RILPL1: variants seen among roughly 807,000 people sequenced by gnomAD.
The protein encoded by RILPL1 is RILP-like protein 1.
In RILPL1, 33 loss-of-function variants were observed where a neutral mutation model predicts 50.3. That is an observed-to-expected ratio of 0.66 (90% CI 0.50 to 0.88). The LOEUF is 0.88. Among genes scored for constraint, RILPL1 ranks in the 40% least tolerant of loss-of-function variants. The pLI is 0.00. For synonymous variants in RILPL1, 205 were observed against 228.6 expected (o/e 0.90, Z 0.93); for missense variants, 418 against 542.5 (o/e 0.77, Z 2.28).
At chr12:123,521,078 T>C (rs1884983977) in intron 2 of RILPL1, among the ~76,000 whole-genome samples, 1 of 152,172 alleles carries the variant, frequency 6.6e-6, no homozygotes, top group South Asian at 2.1e-4. Flanking sequence ...AGTCTAAACT[T>C]TTCTCATCTG....
At chr12:123,501,794 A>C (rs1389340851) in intron 2 of RILPL1, among the ~76,000 whole-genome samples, 3 of 151,058 alleles carry the variant, frequency 2.0e-5, no homozygotes, top group Non-Finnish European at 3.0e-5. Context: ...GAAAAAAAAC[A>C]ACCCCAAAAA....
intron 2 of RILPL1, among the ~76,000 whole-genome samples, chr12:123,513,098 GTC>G (rs1267237403): frequency 6.9e-6 from 1 of 145,438 alleles, no homozygotes; most frequent in Non-Finnish European, 1.5e-5. Flanking sequence ...GTGCGTGTAT[GTC>G]TGTGTGGTGG....
rs370928333 is a variant in RILPL1, at chr12:123,487,858, G to T, written c.802-2053C>A. 5.6e-4 allele frequency among the ~76,000 whole-genome samples: 85 copies of T among 152,284 alleles called. 1 individual carries two copies. The South Asian group carries it at 0.011, about 19-fold the overall frequency. On this transcript the variant is annotated intron_variant, in intron 4 of 6. Coordinates refer to ENST00000376874, the MANE Select transcript of RILPL1 (RefSeq NM_178314.5). ...AGGAGTTGTCAAACCGTTTCCCACG[G>T]CAGCTGCTCTATTTTACATTCCCAC...
chr12:123,485,157 G>A lies in RILPL1; in HGVS notation c.974+476C>T, dbSNP rs1882244398. Reference sequence around the variant, plus strand: ...TGCCAAGCTCCATTCTAAGTGCTGGGAACTTAGCCATGGACAAGATAAATA... The same window carrying A: ...TGCCAAGCTCCATTCTAAGTGCTGGAAACTTAGCCATGGACAAGATAAATA... On this transcript the variant is annotated intron_variant, in intron 5 of 6. Transcript: ENST00000376874. This position sits in a 1 kb window ranked among gnomAD's most constrained non-coding sequence, Gnocchi z 4.0. 1 of 456,270 alleles carries A rather than the reference G, an allele frequency of 2.2e-6. No homozygotes were observed. Among genetic ancestry groups the A allele is most frequent in the African/African-American group, 2.0e-5 (1 of 50,068 alleles). The allele number at this position is 456,270 out of a possible 1,614,324, so 28.3% of individuals were successfully genotyped here. A position where few individuals can be genotyped will look rare whatever the true frequency, so the allele number is the denominator to read the frequency against.
chr12:123,493,728 C>CCCTGGGA (rs1882842392), intron 4 of RILPL1, among the ~76,000 whole-genome samples: 2 of 152,142 alleles, frequency 1.3e-5, no homozygotes, highest in Admixed American at 6.6e-5. Context: ...CCATAGTCCA[C>CCCTGGGA]CCTGGGACAC....
At chr12:123,479,595 A>G (rs1290046687) in intron 6 of RILPL1, among the ~76,000 whole-genome samples, 1 of 152,106 alleles carries the variant, frequency 6.6e-6, no homozygotes, top group Non-Finnish European at 1.5e-5. Flanking sequence ...ACAGCTTCCA[A>G]CCAGCAGTAG....
At chr12:123,478,061 A>G (rs1020502437) in intron 6 of RILPL1, among the ~76,000 whole-genome samples, 28 of 134,968 alleles carry the variant, frequency 2.1e-4, no homozygotes, top group African/African-American at 7.9e-4. Context: ...CAGTGGTGCA[A>G]TCTGGGCCCA....
At chr12:123,531,125 A>AAT (rs1288035219) in intron 1 of RILPL1, among the ~76,000 whole-genome samples, 1 of 151,980 alleles carries the variant, frequency 6.6e-6, no homozygotes, top group Non-Finnish European at 1.5e-5. Flanking sequence ...GAAAAAAAAA[A>AAT]AAAAATCATA....
chr12:123,530,513 A>G (rs754729217), intron 1 of RILPL1, among the ~76,000 whole-genome samples: 3 of 152,284 alleles, frequency 2.0e-5, no homozygotes, highest in East Asian at 3.9e-4. Flanking sequence ...TAATATTTCT[A>G]TGGTATAGCA....
At chr12:123,527,120 T>C (rs34734800) in intron 1 of RILPL1, among the ~76,000 whole-genome samples, 26,276 of 151,940 alleles carry the variant, frequency 0.17, 2,421 homozygotes, top group Middle Eastern at 0.24. Flanking sequence ...TGATTTAGGC[T>C]AGGAGTTTGA....
chr12:123,483,145 C>CTG (rs1170812945), intron 6 of RILPL1, among the ~76,000 whole-genome samples: 2 of 151,856 alleles, frequency 1.3e-5, no homozygotes, highest in Non-Finnish European at 2.9e-5. Context: ...GAAACCTCTT[C>CTG]TGTACTAAGC....
chr12:123,506,378 C>A (rs1224437039), intron 2 of RILPL1, among the ~76,000 whole-genome samples: 1 of 152,192 alleles, frequency 6.6e-6, no homozygotes, highest in Non-Finnish European at 1.5e-5. Context: ...GTTGGATTAT[C>A]CCCTGCAGGG....
chr12:123,496,178 T>C (rs180693747), intron 4 of RILPL1, among the ~76,000 whole-genome samples: 201 of 151,822 alleles, frequency 1.3e-3, no homozygotes, highest in African/African-American at 4.7e-3. Context: ...CACGCCCAGC[T>C]AATTTTTGTA....
chr12:123,526,719 C>T (rs1484644374), intron 1 of RILPL1, among the ~76,000 whole-genome samples: 1 of 152,160 alleles, frequency 6.6e-6, no homozygotes, highest in Non-Finnish European at 1.5e-5. Context: ...GAGTAATAGC[C>T]TAGTATTTGC....
intron 4 of RILPL1, among the ~76,000 whole-genome samples, chr12:123,493,883 C>T (rs377659755): frequency 3.3e-5 from 5 of 151,134 alleles, no homozygotes; most frequent in African/African-American, 1.2e-4. Flanking sequence ...CTCCCGGGTT[C>T]AAGCGATTCT....
chr12:123,511,866 G>A (rs1884282386), intron 2 of RILPL1, among the ~76,000 whole-genome samples: 1 of 137,730 alleles, frequency 7.3e-6, no homozygotes, highest in Non-Finnish European at 1.6e-5. Context: ...TGTGTGTGGT[G>A]TGTGAGGTTT....
At chr12:123,507,241 C>T (rs1416026878) in intron 2 of RILPL1, among the ~76,000 whole-genome samples, 1 of 152,152 alleles carries the variant, frequency 6.6e-6, no homozygotes, top group Non-Finnish European at 1.5e-5. Context: ...TGAAATTAAC[C>T]ACTGTACAAC....
At chr12:123,494,895 G>A (rs1055740865) in intron 4 of RILPL1, among the ~76,000 whole-genome samples, 1 of 152,194 alleles carries the variant, frequency 6.6e-6, no homozygotes, top group Admixed American at 6.5e-5. Context: ...GTCCCTGGGT[G>A]CCGACTCCCC....
At chr12:123,527,527 C>T (rs1885303377) in intron 1 of RILPL1, among the ~76,000 whole-genome samples, 1 of 151,970 alleles carries the variant, frequency 6.6e-6, no homozygotes, top group South Asian at 2.1e-4. Flanking sequence ...ATCCTAGCTA[C>T]TCAGCAGGCT....
Sources: gnomAD v4.1 joint callset for allele counts (sites outside exome capture counted in the v4.1 genomes callset) on GRCh38, gnomAD v4.1.1 for gene constraint, Gnocchi (gnomAD v3.1) non-coding constraint, MANE v1.5 for transcripts, NCBI Gene and HGNC (gene_info 2026-07-23, HGNC 2026-07-21) for gene names.